RYR2: variants seen among roughly 807,000 people sequenced by gnomAD.
RYR2 encodes ryanodine receptor 2.
A neutral mutation model predicts 601.1 loss-of-function variants in RYR2; 227 were observed. The ratio of observed to expected loss-of-function variants is 0.38; its 90% CI spans 0.34 to 0.42. The LOEUF (loss-of-function observed/expected upper bound fraction) is 0.42. Ranked by LOEUF, RYR2 falls within the 10% of genes least tolerant of loss-of-function variation. The pLI is 1.00. For synonymous variants in RYR2, 2,223 were observed against 2,175.1 expected, an observed-to-expected ratio of 1.02 and a Z score of -0.61; for missense variants, 4,646 against 6,156.5, an observed-to-expected ratio of 0.75 and a Z score of 8.21.
Position 237,643,353 on chromosome 1 carries a change from C to A in RYR2, c.7248C>A (p.Ala2416=). 2 of 1,613,674 alleles carry A rather than the reference C, an allele frequency of 1.2e-6. No homozygotes were observed. Among genetic ancestry groups the A allele is most frequent in the Non-Finnish European group, 1.7e-6 (2 of 1,179,762 alleles). The change falls in exon 48 of 105, where the codon GCC becomes GCA. Residue 2416 remains alanine (A), a synonymous_variant. Coordinates refer to ENST00000366574, the MANE Select transcript of RYR2 (RefSeq NM_001035.3). ...MHLIHAGKGE[A]IRIRSILRSL... Reference sequence around the variant, plus strand: ...TGATTCATGCCGGGAAGGGAGAAGCCATCAGAATTAGGTCCATTTTGAGAT... The same window carrying A: ...TGATTCATGCCGGGAAGGGAGAAGCAATCAGAATTAGGTCCATTTTGAGAT...
chr1:237,304,376 C>T (rs1290238754), intron 2 of RYR2, among the ~76,000 whole-genome samples: 8 of 152,158 alleles, frequency 5.3e-5, no homozygotes, highest in Admixed American at 5.2e-4. Flanking sequence ...TATAACTGAA[C>T]ATCATATAAA....
chr1:237,170,023 A>G (rs905133484), intron 1 of RYR2, among the ~76,000 whole-genome samples: 2 of 152,232 alleles, frequency 1.3e-5, no homozygotes, highest in East Asian at 3.8e-4. Flanking sequence ...CAAAGTAGAT[A>G]AATGTCTTTC....
chr1:237,697,431 T>A, intron 63 of RYR2, among the ~76,000 whole-genome samples: 1 of 143,026 alleles, frequency 7.0e-6, no homozygotes, highest in African/African-American at 2.6e-5. Flanking sequence ...TATATAATTA[T>A]ATAATATATA....
At chr1:237,752,351 A>T (rs1692601807) in intron 80 of RYR2, among the ~76,000 whole-genome samples, 1 of 151,776 alleles carries the variant, frequency 6.6e-6, no homozygotes, top group African/African-American at 2.4e-5. Flanking sequence ...GGGTCTTGCT[A>T]TTTGCCCAGG....
At chr1:237,682,671 G>C (rs1043462035) in intron 62 of RYR2, among the ~76,000 whole-genome samples, 6 of 152,050 alleles carry the variant, frequency 3.9e-5, no homozygotes, top group African/African-American at 1.4e-4. Context: ...TGCCTAATGA[G>C]GTATTTCTCA....
chr1:237,629,334 A>G (rs1280762492), intron 41 of RYR2, among the ~76,000 whole-genome samples: 1 of 152,152 alleles, frequency 6.6e-6, no homozygotes, highest in Non-Finnish European at 1.5e-5. Context: ...CAATATATGC[A>G]CGCAGGAAAT....
At chr1:237,283,234 T>C (rs1040754439) in intron 2 of RYR2, among the ~76,000 whole-genome samples, 1 of 152,190 alleles carries the variant, frequency 6.6e-6, no homozygotes, top group African/African-American at 2.4e-5. Context: ...TGACAAATAA[T>C]TCTGTTTTCT....
At chr1:237,436,470 T>TTTTTTTTTTTTTTTTTTTTTTTTTTTTC (rs1707382282) in intron 12 of RYR2, among the ~76,000 whole-genome samples, 1 of 138,198 alleles carries the variant, frequency 7.2e-6, no homozygotes, top group Non-Finnish European at 1.6e-5. Flanking sequence ...TTTTTTTTTT[T>TTTTTTTTTTTTTTTTTTTTTTTTTTTTC]TTTTTTTTGC....
intron 79 of RYR2, among the ~76,000 whole-genome samples, chr1:237,736,392 C>T (rs574759845): frequency 2.1e-5 from 3 of 143,870 alleles, no homozygotes; most frequent in South Asian, 2.2e-4. Context: ...ATCTGGGAGG[C>T]GGAAAGTTGC....
intron 97 of RYR2, 71 bp from the exon 98 acceptor site, chr1:237,801,785 C>A: frequency 1.1e-6 from 1 of 927,520 alleles, no homozygotes; most frequent in Non-Finnish European, 1.7e-6. Flanking sequence ...TGAAGGCCGT[C>A]AGGCTCTCGC....
intron 2 of RYR2, among the ~76,000 whole-genome samples, chr1:237,280,838 G>A (rs1690781701): frequency 6.6e-6 from 1 of 150,496 alleles, no homozygotes; most frequent in Admixed American, 6.6e-5. Context: ...GGGCTGGAGT[G>A]CAGTGGTGCA....
chr1:237,452,093 G>GAA (rs1658227710), intron 14 of RYR2, among the ~76,000 whole-genome samples: 2 of 83,888 alleles, frequency 2.4e-5, no homozygotes, highest in Admixed American at 2.7e-4. Context: ...GTGTGTGTGT[G>GAA]TGTGTGTGTG....
chr1:237,046,969 A>G (rs2148108184), intron 1 of RYR2, among the ~76,000 whole-genome samples: 1 of 152,330 alleles, frequency 6.6e-6, no homozygotes, highest in South Asian at 2.1e-4. Flanking sequence ...ATCAGAAGGA[A>G]AAATGCATAA....
chr1:237,341,455 C>T (rs969290782), intron 3 of RYR2, among the ~76,000 whole-genome samples: 6 of 152,140 alleles, frequency 3.9e-5, no homozygotes, highest in African/African-American at 1.4e-4. Flanking sequence ...ACAATTAACA[C>T]TCCTTCCTGC....
rs115883000 is a variant in RYR2 at position 237,307,198 on chromosome 1, T to C, written c.169-23680T>C. Among the ~76,000 whole-genome samples, 1,360 of 152,310 alleles carry C rather than the reference T, an allele frequency of 8.9e-3. 16 individuals carry two copies. Among genetic ancestry groups the C allele is most frequent in the Non-Finnish European group, 9.9e-3 (676 of 68,034 alleles). ...TGTATCAGAGACTCTGCTAAGGCAT[T>C]GCACATACGTTTTTTCACTTGCTCT... On this transcript the variant is annotated intron_variant, in intron 2 of 104. Coordinates refer to ENST00000366574, the MANE Select transcript of RYR2 (RefSeq NM_001035.3).
intron 1 of RYR2, among the ~76,000 whole-genome samples, chr1:237,098,461 G>A (rs7551249): frequency 0.81 from 123,405 of 151,474 alleles, 53,460 homozygotes; most frequent in Non-Finnish European, 0.96. Flanking sequence ...GCAAATTTCA[G>A]GGGTACAATC....
intron 84 of RYR2, among the ~76,000 whole-genome samples, chr1:237,761,490 C>G (rs897626518): frequency 2.0e-5 from 3 of 152,160 alleles, no homozygotes; most frequent in African/African-American, 7.2e-5. Context: ...CCTTCCAGCA[C>G]AGTGATCCTC....
rs769309005 is a variant in RYR2 at position 237,708,503 on chromosome 1, T to C, written c.9902-355T>C. 6.6e-5 allele frequency among the ~76,000 whole-genome samples: 10 copies of C among 152,352 alleles called. No individual in the cohort carries two copies. In the South Asian group the frequency reaches 1.0e-3, roughly 16 times the overall value. On this transcript the variant is annotated intron_variant, in intron 68 of 104. Transcript: ENST00000366574. ...TGTATATAGTCTCATATAGTAATTA[T>C]GTAGCAGAGCTTGTCCCTATTCTAA...
At chr1:237,320,102 A>G in intron 2 of RYR2, among the ~76,000 whole-genome samples, 1 of 152,230 alleles carries the variant, frequency 6.6e-6, no homozygotes, top group East Asian at 1.9e-4. Context: ...GTTTTTAAGC[A>G]TAAAAGTTTC....
Sources: gnomAD v4.1 joint callset for allele counts (sites outside exome capture counted in the v4.1 genomes callset) on GRCh38, gnomAD v4.1.1 for gene constraint, MANE v1.5 for transcripts, NCBI Gene and HGNC (gene_info 2026-07-23, HGNC 2026-07-21) for gene names.